Variants in SDK1 observed in about 807,000 individuals in gnomAD.
SDK1 encodes the protein sidekick cell adhesion molecule 1, also known as protein sidekick-1.
SDK1 carries 157 observed loss-of-function variants against 245.5 expected under a neutral mutation model. The observed-to-expected ratio is 0.64, with a 90% CI of 0.56 to 0.73. SDK1 has a LOEUF of 0.73. Ranked by LOEUF, SDK1 falls within the 30% of genes least tolerant of loss-of-function variation. SDK1 has a pLI of 0.00. For synonymous variants in SDK1, 1,647 were observed against 1,278.5 expected, an observed-to-expected ratio of 1.29 and a Z score of -6.15; for missense variants, 3,583 against 3,002.3, an observed-to-expected ratio of 1.19 and a Z score of -4.52.
intron 22 of SDK1, among the ~76,000 whole-genome samples, chr7:4,095,789 G>T (rs932668775): frequency 6.6e-6 from 1 of 152,192 alleles, no homozygotes; most frequent in African/African-American, 2.4e-5. Context: ...GGCCAGGCTG[G>T]TCTCGAACTT....
chr7:3,794,438 A>G (rs1444929027), intron 4 of SDK1, among the ~76,000 whole-genome samples: 3 of 152,210 alleles, frequency 2.0e-5, no homozygotes, highest in African/African-American at 7.2e-5. Context: ...CTGATGTGGA[A>G]ACCTAATCCC....
In SDK1 at chr7:3,340,558, C is replaced by T. The variant is rs181488058; in HGVS notation, c.298+38674C>T. Among the ~76,000 whole-genome samples the T allele has an allele frequency of 4.6e-4, 70 of 152,166 alleles. 1 individual carries two copies. In the East Asian group the frequency reaches 0.013, roughly 27 times the overall value. On this transcript the variant is annotated intron_variant, in intron 1 of 44. Transcript: ENST00000404826. ...TGGGTGGCTCACGAGCTCAGGAGAT[C>T]GAGACCATCCTGGCTAACACGGTGA...
chr7:3,318,540 T>C (rs1375302609), intron 1 of SDK1, among the ~76,000 whole-genome samples: 1 of 152,220 alleles, frequency 6.6e-6, no homozygotes, highest in Non-Finnish European at 1.5e-5. Context: ...TGTTTCTCCT[T>C]CTCAACTGAA....
chr7:3,853,220 GATGGAAAGTAA>G (rs1780461738), intron 5 of SDK1, among the ~76,000 whole-genome samples: 1 of 152,116 alleles, frequency 6.6e-6, no homozygotes, highest in Admixed American at 6.5e-5. Flanking sequence ...CCATTGCAAA[GATGGAAAGTAA>G]CCTATTGCTC....
chr7:3,647,272 C>A (rs1782878414), intron 4 of SDK1, among the ~76,000 whole-genome samples: 1 of 152,100 alleles, frequency 6.6e-6, no homozygotes, highest in Non-Finnish European at 1.5e-5. Flanking sequence ...TTATATTTTA[C>A]CACGATTTTA....
chr7:3,809,174 G>T (rs944130429), intron 4 of SDK1, among the ~76,000 whole-genome samples: 1 of 152,112 alleles, frequency 6.6e-6, no homozygotes, highest in Non-Finnish European at 1.5e-5. Flanking sequence ...GGGAGGAGGC[G>T]CGCTACATGG....
chr7:4,132,621 G>A, intron 28 of SDK1, 198 bp downstream of exon 28: 1 of 495,284 alleles, frequency 2.0e-6, no homozygotes, highest in East Asian at 3.5e-5. Flanking sequence ...CCAGCTACTT[G>A]GGAGGCTAAG....
intron 4 of SDK1, among the ~76,000 whole-genome samples, chr7:3,658,002 G>A (rs949163644): frequency 6.6e-6 from 1 of 152,186 alleles, no homozygotes; most frequent in Non-Finnish European, 1.5e-5. Flanking sequence ...TGGTGAAATG[G>A]CCAAAGGGTC....
At chr7:3,930,297 A>C (rs1779929122) in intron 5 of SDK1, among the ~76,000 whole-genome samples, 1 of 151,936 alleles carries the variant, frequency 6.6e-6, no homozygotes, top group South Asian at 2.1e-4. Context: ...TCAGAACTAG[A>C]CTCCCAGAGC....
At chr7:3,626,936 T>C (rs918652767) in intron 2 of SDK1, among the ~76,000 whole-genome samples, 1 of 152,112 alleles carries the variant, frequency 6.6e-6, no homozygotes, top group African/African-American at 2.4e-5. Flanking sequence ...AATTTTTTTT[T>C]TTTTATTTTG....
intron 17 of SDK1, among the ~76,000 whole-genome samples, chr7:4,031,928 G>C (rs1787848251): frequency 6.6e-6 from 1 of 151,514 alleles, no homozygotes; most frequent in Non-Finnish European, 1.5e-5. Flanking sequence ...TCAGGAGGCT[G>C]AGTCAGGAGA....
intron 4 of SDK1, among the ~76,000 whole-genome samples, chr7:3,699,283 C>A (rs566144987): frequency 3.2e-4 from 48 of 152,112 alleles, no homozygotes; most frequent in African/African-American, 1.2e-3. Context: ...CAAGAAACAC[C>A]CACAACAAGA....
Position 3,457,868 on chromosome 7 carries a change from T to G in SDK1, c.298+155984T>G, listed in dbSNP as rs574835873. 8.8e-4 allele frequency among the ~76,000 whole-genome samples: 134 copies of G among 152,336 alleles called. 3 individuals are homozygous for G. In the South Asian group the frequency reaches 0.027, roughly 31 times the overall value. On this transcript the variant is annotated intron_variant, in intron 1 of 44. Coordinates refer to ENST00000404826, the MANE Select transcript of SDK1 (RefSeq NM_152744.4). ...TTTTACTTGTTTATTGGAGCACACC[T>G]TCTGGGAGTTTCCTGAGAATGCATG...
intron 1 of SDK1, among the ~76,000 whole-genome samples, chr7:3,574,035 G>T (rs2178628): frequency 0.57 from 85,955 of 151,838 alleles, 26,112 homozygotes; most frequent in African/African-American, 0.76. Context: ...AGATAGGTTG[G>T]GTGTTGAAGA....
rs200914826 is a variant in SDK1, at chr7:3,418,145, G to GAA, written c.298+116283_298+116284dup. 5.8e-4 allele frequency among the ~76,000 whole-genome samples: 70 copies of GAA among 119,710 alleles called. 2 individuals are homozygous for GAA. The highest frequency in any genetic ancestry group is 2.0e-3 in the African/African-American group (52 of 25,776). The allele number at this position is 119,710 out of a possible 152,430, so 78.5% of individuals were successfully genotyped here. On this transcript the variant is annotated intron_variant, in intron 1 of 44. Coordinates refer to ENST00000404826, the MANE Select transcript of SDK1 (RefSeq NM_152744.4). ...GTGAAACCCGATCTCTACTAAAAAT[G>GAA]AAAAAAAAAAAAAAAAAAAAAAATA...
rs1784339557 is a variant in SDK1, at chr7:4,208,263, G to A, written c.5379G>A (p.Gln1793=). The A allele has an allele frequency of 6.2e-7, 1 of 1,613,470 alleles. No homozygotes were observed. Among genetic ancestry groups the A allele is most frequent in the African/African-American group, 1.3e-5 (1 of 75,032 alleles). ...GAGATGGACCTAAGAGTGACCCCCA[G>A]CAGGGGCGCACCCACCAGGCCGGTA... ...AAGDGPKSDP[Q]QGRTHQAAPG... The change falls in exon 37 of 45, where the codon CAG becomes CAA. Residue 1793 remains glutamine (Q), a synonymous_variant. Transcript: ENST00000404826.
intron 2 of SDK1, among the ~76,000 whole-genome samples, chr7:3,621,051 G>C (rs568316763): frequency 6.6e-6 from 1 of 152,256 alleles, no homozygotes; most frequent in African/African-American, 2.4e-5. Flanking sequence ...CCTCCCGTAA[G>C]TGAAAAGAGA....
intron 40 of SDK1, among the ~76,000 whole-genome samples, chr7:4,225,438 C>A (rs1311960802): frequency 6.6e-6 from 1 of 152,178 alleles, no homozygotes; most frequent in East Asian, 1.9e-4. Flanking sequence ...GCGGTACCAG[C>A]CAGACACGGG....
chr7:3,691,481 A>G (rs1007241111), intron 4 of SDK1, among the ~76,000 whole-genome samples: 4 of 152,242 alleles, frequency 2.6e-5, no homozygotes, highest in African/African-American at 9.6e-5. Flanking sequence ...GGAGCATGTT[A>G]TAAATGGCTC....
Sources: allele counts gnomAD v4.1 joint callset (sites outside exome capture counted in the v4.1 genomes callset), GRCh38; gene constraint gnomAD v4.1.1; transcripts MANE v1.5; gene names NCBI Gene and HGNC (gene_info 2026-07-23, HGNC 2026-07-21).